The following SSH2 variants were observed in gnomAD, a reference collection of about 807,000 sequenced individuals.
SSH2 encodes slingshot protein phosphatase 2.
A neutral mutation model predicts 135.2 loss-of-function variants in SSH2; 37 were observed. The ratio of observed to expected loss-of-function variants is 0.27; its 90% CI spans 0.21 to 0.36. The LOEUF is 0.36. SSH2 is among the 10% of genes least tolerant of loss of function. The pLI is 1.00. For missense variants in SSH2, 1,408 were observed against 1,765.3 expected, an observed-to-expected ratio of 0.80 and a Z score of 3.63; for synonymous variants, 628 against 646.2, an observed-to-expected ratio of 0.97 and a Z score of 0.43.
intron 3 of SSH2, among the ~76,000 whole-genome samples, chr17:29,732,108 T>C (rs2040219033): frequency 1.3e-5 from 2 of 152,208 alleles, no homozygotes. Context: ...GTTATATTAC[T>C]GATTCACTTA....
Position 29,630,903 on chromosome 17 carries a change from T to G in SSH2, c.4291A>C (p.Arg1431=), listed in dbSNP as rs751481315. The change falls in exon 16 of 16, where the codon AGG becomes CGG. Residue 1431 remains arginine, a synonymous_variant. Transcript: ENST00000540801. ...RQQHGRTHPL[R]RLKKANDKKR... is the part of the protein sequence containing the mutation. ...TTGTCATTTGCCTTTTTCAGTCTCCTAAGGGGGTGAGTTCTGCCGTGTTGC... is the reference window on the plus strand; with the variant it reads ...TTGTCATTTGCCTTTTTCAGTCTCCGAAGGGGGTGAGTTCTGCCGTGTTGC... 1 of 1,602,592 alleles carries G rather than the reference T, an allele frequency of 6.2e-7. No individual in the cohort carries two copies. Among genetic ancestry groups the G allele is most frequent in the South Asian group, 1.1e-5 (1 of 90,656 alleles).
At chr17:29,781,607 G>T (rs1247473317) in intron 3 of SSH2, among the ~76,000 whole-genome samples, 1 of 148,782 alleles carries the variant, frequency 6.7e-6, no homozygotes, top group Admixed American at 6.8e-5. Context: ...AGCCTATCGA[G>T]TAACTGGGAC....
intron 3 of SSH2, among the ~76,000 whole-genome samples, chr17:29,753,287 T>C (rs1382286906): frequency 6.6e-6 from 1 of 151,674 alleles, no homozygotes; most frequent in Non-Finnish European, 1.5e-5. Context: ...CCCACCATCA[T>C]GCCCAGCTAA....
chr17:29,856,077 G>T, intron 1 of SSH2: 2 of 336,650 alleles, frequency 5.9e-6, no homozygotes, highest in South Asian at 2.5e-5. Flanking sequence ...CCAGGAGCAT[G>T]GGTCTCTTGA....
At chr17:29,704,231 T>A (rs2039107817) in intron 3 of SSH2, among the ~76,000 whole-genome samples, 1 of 152,210 alleles carries the variant, frequency 6.6e-6, no homozygotes, top group Non-Finnish European at 1.5e-5. Context: ...CAAAAAAAAT[T>A]TGTTTAAAAT....
chr17:29,647,804 AG>A, intron 14 of SSH2: 1 of 248,588 alleles, frequency 4.0e-6, no homozygotes, highest in South Asian at 4.6e-5. Flanking sequence ...CTGGGATTAC[AG>A]GGGCCCATCA....
At chr17:29,839,932 C>A (rs1252130626) in intron 2 of SSH2, among the ~76,000 whole-genome samples, 1 of 152,162 alleles carries the variant, frequency 6.6e-6, no homozygotes, top group African/African-American at 2.4e-5. Context: ...ACAGGGACTA[C>A]TAAAAGTATT....
Position 29,740,202 on chromosome 17 carries a change from G to A in SSH2, c.189-37140C>T, listed in dbSNP as rs114909553. 8.0e-3 allele frequency among the ~76,000 whole-genome samples: 1,221 copies of A among 152,286 alleles called. 20 individuals carry two copies. Among genetic ancestry groups the A allele is most frequent in the African/African-American group, 0.028 (1,175 of 41,566 alleles). ...GCTATGTAAAACAGATGAGCTGCGG[G>A]CAGAGATCCGATCTGAAGAGAAGGT... On this transcript the variant is annotated intron_variant, in intron 3 of 15. Coordinates refer to ENST00000540801, the MANE Select transcript of SSH2 (RefSeq NM_001282129.2).
At chr17:29,725,289 G>T (rs1049577279) in intron 3 of SSH2, among the ~76,000 whole-genome samples, 2 of 41,562 alleles carry the variant, frequency 4.8e-5, no homozygotes, top group Admixed American at 5.0e-4. Context: ...CGAGGTTGCA[G>T]TGAGCCAAGA....
At chr17:29,641,875 A>G (rs2036176642) in intron 14 of SSH2, among the ~76,000 whole-genome samples, 1 of 151,882 alleles carries the variant, frequency 6.6e-6, no homozygotes, top group African/African-American at 2.4e-5. Flanking sequence ...AGGCTAAAGC[A>G]TGATGATCAC....
intron 1 of SSH2, among the ~76,000 whole-genome samples, chr17:29,895,057 A>T (rs2066419981): frequency 6.6e-6 from 1 of 151,208 alleles, no homozygotes; most frequent in Non-Finnish European, 1.5e-5. Flanking sequence ...CAACCACATA[A>T]AATCACATGT....
intron 2 of SSH2, among the ~76,000 whole-genome samples, chr17:29,813,386 CAA>C (rs1484475754): frequency 6.6e-6 from 1 of 151,058 alleles, no homozygotes; most frequent in Non-Finnish European, 1.5e-5. Flanking sequence ...GTAAAAAAGG[CAA>C]AGACTAGAAG....
intron 2 of SSH2, among the ~76,000 whole-genome samples, chr17:29,845,858 C>A (rs2043124613): frequency 6.6e-6 from 1 of 151,940 alleles, no homozygotes; most frequent in South Asian, 2.1e-4. Context: ...CCGTGCCTGG[C>A]CCCAACTAAT....
At chr17:29,713,046 C>T (rs1043047915) in intron 3 of SSH2, among the ~76,000 whole-genome samples, 1 of 151,978 alleles carries the variant, frequency 6.6e-6, no homozygotes, top group Admixed American at 6.6e-5. Context: ...AAAAACACTG[C>T]CAGTTGAGGC....
chr17:29,878,514 CAT>C (rs944323110), intron 1 of SSH2, among the ~76,000 whole-genome samples: 2 of 152,056 alleles, frequency 1.3e-5, no homozygotes, highest in Non-Finnish European at 2.9e-5. Flanking sequence ...GTGTGTGACA[CAT>C]AGTTGATGCT....
intron 1 of SSH2, among the ~76,000 whole-genome samples, chr17:29,908,213 A>T (rs1185183441): frequency 6.6e-6 from 1 of 151,888 alleles, no homozygotes; most frequent in Non-Finnish European, 1.5e-5. Flanking sequence ...GCACTTTGGG[A>T]GGCTGAGGTG....
intron 2 of SSH2, among the ~76,000 whole-genome samples, chr17:29,801,102 T>C (rs1403832430): frequency 2.0e-5 from 3 of 152,104 alleles, no homozygotes; most frequent in Non-Finnish European, 4.4e-5. Context: ...TGACCTCAAG[T>C]GATCCACCTA....
chr17:29,923,178 G>T (rs541279436), intron 1 of SSH2, among the ~76,000 whole-genome samples: 2 of 152,152 alleles, frequency 1.3e-5, no homozygotes, highest in Non-Finnish European at 2.9e-5. Context: ...CCAAAGTGCT[G>T]GGATTACAGG....
At chr17:29,743,654 A>T (rs2040645555) in intron 3 of SSH2, among the ~76,000 whole-genome samples, 1 of 152,308 alleles carries the variant, frequency 6.6e-6, no homozygotes, top group Admixed American at 6.5e-5. Context: ...TAACAAATGT[A>T]CTCAAGCACT....
Sources: allele counts gnomAD v4.1 joint callset (sites outside exome capture counted in the v4.1 genomes callset), GRCh38; gene constraint gnomAD v4.1.1; transcripts MANE v1.5; gene names NCBI Gene and HGNC (gene_info 2026-07-23, HGNC 2026-07-21).